The following NHERF4 variants were observed in gnomAD, a reference collection of about 807,000 sequenced individuals.
NHERF4 encodes Na(+)/H(+) exchange regulatory cofactor NHE-RF4.
the NHERF4 span, chr11:119,186,414 C>T: frequency 1.1e-5 from 17 of 1,586,214 alleles, no homozygotes; most frequent in African/African-American, 5.4e-5. The surrounding 1 kb of genome is among the most constrained non-coding windows in gnomAD (Gnocchi z 4.4). Context: ...GCCAGGCACA[C>T]GGCGAACCTG....
chr11:119,186,375 G>T, the NHERF4 span: 2 of 1,560,008 alleles, frequency 1.3e-6, no homozygotes, highest in Non-Finnish European at 8.8e-7. This position sits in a 1 kb window ranked among gnomAD's most constrained non-coding sequence, Gnocchi z 4.4. Flanking sequence ...GGCAGAAACT[G>T]CCCAGCACCC....
chr11:119,188,162 G>T, the NHERF4 span: 1 of 1,524,194 alleles, frequency 6.6e-7, no homozygotes, highest in Non-Finnish European at 8.8e-7. Flanking sequence ...GGAGCCCTGG[G>T]GGCGGTGGGG....
chr11:119,189,540 C>T, the NHERF4 span: 1 of 1,597,974 alleles, frequency 6.3e-7, no homozygotes, highest in Non-Finnish European at 8.6e-7. This position sits in a 1 kb window ranked among gnomAD's most constrained non-coding sequence, Gnocchi z 5.8. Flanking sequence ...CGTGTCTTCA[C>T]TCTCCAGCCT....
chr11:119,188,778 C>A, the NHERF4 span: 5 of 1,614,208 alleles, frequency 3.1e-6, no homozygotes, highest in Non-Finnish European at 4.2e-6. Flanking sequence ...TCTTGGCTCC[C>A]GACAGTGCTT....
chr11:119,186,686 C>T, the NHERF4 span: 8 of 1,601,142 alleles, frequency 5.0e-6, no homozygotes, highest in South Asian at 3.3e-5. The surrounding 1 kb of genome is among the most constrained non-coding windows in gnomAD (Gnocchi z 4.4). Context: ...GAAGACTATG[C>T]GGTGGTAAGG....
the NHERF4 span, chr11:119,187,140 CAAAAAAAA>C: frequency 7.7e-5 from 39 of 509,634 alleles, no homozygotes; most frequent in Non-Finnish European, 9.4e-5. Flanking sequence ...AACTCCATCT[CAAAAAAAA>C]AAAAAAAAAA....
At chr11:119,188,532 C>T in the NHERF4 span, 21 of 1,598,370 alleles carry the variant, frequency 1.3e-5, no homozygotes, top group African/African-American at 2.7e-5. Flanking sequence ...GACCCTGAGG[C>T]GGACCGCTTC....
the NHERF4 span, chr11:119,188,279 C>G: frequency 1.9e-6 from 3 of 1,589,982 alleles, no homozygotes; most frequent in Non-Finnish European, 2.6e-6. Flanking sequence ...CCCGTTCACT[C>G]TGGGGTCAGT....
chr11:119,187,833 G>A, the NHERF4 span: 1 of 1,463,080 alleles, frequency 6.8e-7, no homozygotes, highest in Non-Finnish European at 9.0e-7. Context: ...CCCCTCTACA[G>A]TTTGTGCCAG....
chr11:119,188,928 T>G, the NHERF4 span: 1 of 1,611,442 alleles, frequency 6.2e-7, no homozygotes, highest in South Asian at 1.1e-5. Context: ...TCGGTCTTCC[T>G]CTGCTTCCCT....
chr11:119,185,606 T>A, the NHERF4 span: 1 of 1,246,996 alleles, frequency 8.0e-7, no homozygotes, highest in Middle Eastern at 2.2e-4. Flanking sequence ...CACTTGATTT[T>A]GGGGCTTGGA....
the NHERF4 span, chr11:119,187,140 C>CAAAAAA: frequency 3.5e-5 from 18 of 509,190 alleles, no homozygotes; most frequent in East Asian, 7.3e-5. Flanking sequence ...AACTCCATCT[C>CAAAAAA]AAAAAAAAAA....
At chr11:119,186,126 A>G in the NHERF4 span, 83 of 1,613,714 alleles carry the variant, frequency 5.1e-5, no homozygotes, top group Non-Finnish European at 6.8e-5. The surrounding 1 kb of genome is among the most constrained non-coding windows in gnomAD (Gnocchi z 4.4). Flanking sequence ...GGGCATTGAT[A>G]ATCCTGTCCT....
the NHERF4 span, chr11:119,185,781 G>A: frequency 6.4e-6 from 7 of 1,091,966 alleles, no homozygotes; most frequent in African/African-American, 6.2e-5. Flanking sequence ...AGTGAGAAGA[G>A]AAGACCCCTT....
the NHERF4 span, chr11:119,187,201 T>C: frequency 7.9e-7 from 1 of 1,273,118 alleles, no homozygotes; most frequent in South Asian, 1.8e-5. Flanking sequence ...AAAATGTGGA[T>C]TCCAGGGAGG....
the NHERF4 span, chr11:119,187,780 G>A: frequency 3.3e-4 from 478 of 1,461,544 alleles, 1 homozygote; most frequent in Non-Finnish European, 4.1e-4. Flanking sequence ...TTCCCCATGC[G>A]CCTAACCTCC....
At chr11:119,188,916 G>C in the NHERF4 span, 2 of 1,611,586 alleles carry the variant, frequency 1.2e-6, no homozygotes, top group Admixed American at 1.7e-5. Context: ...TTTGCTGCCT[G>C]ATCGGTCTTC....
the NHERF4 span, chr11:119,186,666 T>C: frequency 6.2e-7 from 1 of 1,609,078 alleles, no homozygotes; most frequent in Non-Finnish European, 8.5e-7. This position sits in a 1 kb window ranked among gnomAD's most constrained non-coding sequence, Gnocchi z 4.4. Flanking sequence ...ACAATGATGT[T>C]GTGGAACACG....
At chr11:119,187,883 C>T in the NHERF4 span, 1 of 1,484,760 alleles carries the variant, frequency 6.7e-7, no homozygotes, top group Non-Finnish European at 9.0e-7. Context: ...GTGGGGGGAG[C>T]ATACCTCTTC....
Sources: gnomAD v4.1 joint callset for allele counts on GRCh38, gnomAD v4.1.1 for gene constraint, Gnocchi (gnomAD v3.1) non-coding constraint, MANE v1.5 for transcripts, NCBI Gene and HGNC (gene_info 2026-07-23, HGNC 2026-07-21) for gene names.